FARS2: variants seen among roughly 807,000 people sequenced by gnomAD.
The protein encoded by FARS2 is phenylalanine--tRNA ligase, mitochondrial.
FARS2 carries 40 observed loss-of-function variants against 46.4 expected under a neutral mutation model. That is an observed-to-expected ratio of 0.86 (90% CI 0.67 to 1.12). The LOEUF is 1.12. Ranked by LOEUF, FARS2 falls within the 50% of genes most tolerant of loss-of-function variation. The pLI is 0.00. For missense variants in FARS2, 513 were observed against 567.9 expected, an observed-to-expected ratio of 0.90 and a Z score of 0.98; for synonymous variants, 234 against 214.9, an observed-to-expected ratio of 1.09 and a Z score of -0.78.
chr6:5,593,379 G>C (rs1774030296), intron 5 of FARS2, among the ~76,000 whole-genome samples: 1 of 152,154 alleles, frequency 6.6e-6, no homozygotes, highest in Admixed American at 6.5e-5. Context: ...ACAGTGCAGG[G>C]GCAAAGTGAT....
intron 2 of FARS2, among the ~76,000 whole-genome samples, chr6:5,386,681 G>A (rs140206643): frequency 3.3e-3 from 508 of 152,254 alleles, no homozygotes; most frequent in African/African-American, 0.012. Context: ...AAAGGGAAAA[G>A]CAATTAAAAC....
At chr6:5,708,307 T>C (rs28485868) in intron 6 of FARS2, among the ~76,000 whole-genome samples, 1 of 152,168 alleles carries the variant, frequency 6.6e-6, no homozygotes, top group East Asian at 1.9e-4. Context: ...ATTTTTCTTT[T>C]TTCTTTGTTT....
chr6:5,569,932 T>C (rs1003778088), intron 5 of FARS2, among the ~76,000 whole-genome samples: 34 of 151,150 alleles, frequency 2.2e-4, no homozygotes, highest in African/African-American at 7.8e-4. Context: ...GGGAGAGAGG[T>C]AGAAGACGGA....
At chr6:5,482,831 A>G (rs10484310) in intron 4 of FARS2, among the ~76,000 whole-genome samples, 5,170 of 152,342 alleles carry the variant, frequency 0.034, 124 homozygotes, top group Non-Finnish European at 0.052. Flanking sequence ...AGCACTTTCC[A>G]GAAATTACAG....
At chr6:5,466,837 G>A in intron 4 of FARS2, 2 of 985,448 alleles carry the variant, frequency 2.0e-6, no homozygotes, top group Non-Finnish European at 2.4e-6. Context: ...TGGGAATGGA[G>A]CCCATTTGGA....
intron 4 of FARS2, among the ~76,000 whole-genome samples, chr6:5,456,655 T>A (rs1235499561): frequency 1.5e-5 from 2 of 130,442 alleles, no homozygotes; most frequent in Non-Finnish European, 3.1e-5. Context: ...TGCTTGAACC[T>A]GGGAGGCGGA....
At chr6:5,755,364 G>A (rs1192750416) in intron 6 of FARS2, among the ~76,000 whole-genome samples, 1 of 151,556 alleles carries the variant, frequency 6.6e-6, no homozygotes, top group Admixed American at 6.6e-5. Flanking sequence ...GAGAGACCCT[G>A]GTATGTGATG....
At chr6:5,375,286 C>T (rs1464773967) in intron 2 of FARS2, among the ~76,000 whole-genome samples, 1 of 151,862 alleles carries the variant, frequency 6.6e-6, no homozygotes, top group Admixed American at 6.6e-5. Context: ...AACCAATTAC[C>T]AAATATAATA....
At chr6:5,536,885 C>T (rs1340084637) in intron 4 of FARS2, among the ~76,000 whole-genome samples, 1 of 152,168 alleles carries the variant, frequency 6.6e-6, no homozygotes, top group African/African-American at 2.4e-5. Context: ...ACAACTTGTT[C>T]TAAATCTTCA....
At chr6:5,367,935 G>T (rs757789823) in intron 1 of FARS2, among the ~76,000 whole-genome samples, 3 of 152,088 alleles carry the variant, frequency 2.0e-5, no homozygotes, top group Non-Finnish European at 4.4e-5. Context: ...ATCTAAAGTG[G>T]TGTATTTTGT....
At chr6:5,451,456 T>C (rs1408376137) in intron 4 of FARS2, among the ~76,000 whole-genome samples, 1 of 152,190 alleles carries the variant, frequency 6.6e-6, no homozygotes, top group Non-Finnish European at 1.5e-5. Flanking sequence ...GTTCTTGAAC[T>C]GTCGTAAGAA....
intron 3 of FARS2, among the ~76,000 whole-genome samples, chr6:5,410,523 G>A (rs1363209969): frequency 6.6e-6 from 1 of 152,100 alleles, no homozygotes. Flanking sequence ...GGTTCTTGCT[G>A]TTGGTTGGTT....
intron 4 of FARS2, among the ~76,000 whole-genome samples, chr6:5,538,399 A>G (rs1174627448): frequency 6.6e-6 from 1 of 152,206 alleles, no homozygotes; most frequent in Non-Finnish European, 1.5e-5. Context: ...TAAGAAAATA[A>G]AACTGGAGCA....
At chr6:5,578,808 CAAAA>C (rs56248218) in intron 5 of FARS2, among the ~76,000 whole-genome samples, 73,733 of 124,700 alleles carry the variant, frequency 0.59, 20,653 homozygotes, top group Non-Finnish European at 0.63. Flanking sequence ...CACTCCGTCT[CAAAA>C]AAAAAAAAAA....
intron 1 of FARS2, among the ~76,000 whole-genome samples, chr6:5,285,363 G>A (rs762557425): frequency 7.2e-5 from 11 of 152,180 alleles, no homozygotes; most frequent in Non-Finnish European, 1.0e-4. Context: ...ACCAGCTGCC[G>A]GAGGATGAGG....
intron 1 of FARS2, among the ~76,000 whole-genome samples, chr6:5,263,992 G>T (rs929950798): frequency 6.6e-6 from 1 of 152,164 alleles, no homozygotes; most frequent in Non-Finnish European, 1.5e-5. Context: ...CAGGTGGATT[G>T]CTTGAGCCCA....
chr6:5,582,876 A>G (rs774540500), intron 5 of FARS2, among the ~76,000 whole-genome samples: 1 of 152,232 alleles, frequency 6.6e-6, no homozygotes, highest in Non-Finnish European at 1.5e-5. Context: ...TGCAGGTTCC[A>G]TGATGGTTGA....
At chr6:5,468,353 T>TAAA (rs531163302) in intron 4 of FARS2, among the ~76,000 whole-genome samples, 216 of 103,280 alleles carry the variant, frequency 2.1e-3, no homozygotes, top group African/African-American at 7.5e-3. Context: ...CTGGTAAAAG[T>TAAA]AAAAAAAAAA....
At chr6:5,283,374 CAAAA>C (rs1180107524) in intron 1 of FARS2, among the ~76,000 whole-genome samples, 3 of 55,076 alleles carry the variant, frequency 5.4e-5, no homozygotes, top group Non-Finnish European at 3.5e-5. Flanking sequence ...ACTCCTGTCT[CAAAA>C]AAAAAAAAAA....
Sources: allele counts gnomAD v4.1 joint callset (sites outside exome capture counted in the v4.1 genomes callset), GRCh38; gene constraint gnomAD v4.1.1; transcripts MANE v1.5; gene names NCBI Gene and HGNC (gene_info 2026-07-23, HGNC 2026-07-21).